GABRG3: variants seen among roughly 807,000 people sequenced by gnomAD.
GABRG3 encodes gamma-aminobutyric acid type A receptor subunit gamma3.
Under a neutral mutation model 48.8 loss-of-function variants are expected in GABRG3, and 25 were observed. The observed-to-expected ratio is 0.51, with a 90% confidence interval of 0.37 to 0.72. The LOEUF (loss-of-function observed/expected upper bound fraction) is 0.72, where lower values mean the gene tolerates loss of function less well. Among genes scored for constraint, GABRG3 ranks in the 30% least tolerant of loss-of-function variants. GABRG3 has a pLI of 0.00. For synonymous variants in GABRG3, 227 were observed against 217.6 expected (o/e 1.04, Z -0.38); for missense variants, 394 against 577.9 (o/e 0.68, Z 3.26).
rs1891464670 is a variant in GABRG3 at position 27,532,942 on chromosome 15, A to G, written c.*61A>G. The G allele has an allele frequency of 5.9e-6, 9 of 1,531,954 alleles. No homozygotes were observed. 94.9% of individuals were successfully genotyped at this position (1,531,954 alleles called of 1,614,324 possible). A position where few individuals can be genotyped will look rare whatever the true frequency, so the allele number is the denominator to read the frequency against. The stretch of plus-strand genomic sequence containing the variant: ...ACACACTTGACCTTCTGTCGTCCCC[A>G]GACCAGTAGTGACCAATCGGGAGTA... On this transcript the variant is annotated 3_prime_UTR_variant, in exon 10 of 10. Coordinates refer to ENST00000615808, the MANE Select transcript of GABRG3 (RefSeq NM_033223.5).
chr15:27,339,048 T>C (rs1253493159), intron 5 of GABRG3, among the ~76,000 whole-genome samples: 2 of 152,174 alleles, frequency 1.3e-5, no homozygotes, highest in African/African-American at 2.4e-5. Context: ...CCCATGTCTT[T>C]TGCTGTGGCA....
intron 5 of GABRG3, among the ~76,000 whole-genome samples, chr15:27,395,415 G>C (rs1454527695): frequency 6.6e-6 from 1 of 152,206 alleles, no homozygotes; most frequent in Non-Finnish European, 1.5e-5. Flanking sequence ...GAAAGGCAGA[G>C]AGACTATAAT....
chr15:27,134,288 G>C (rs1897969443), intron 3 of GABRG3, among the ~76,000 whole-genome samples: 1 of 152,130 alleles, frequency 6.6e-6, no homozygotes, highest in Non-Finnish European at 1.5e-5. Context: ...CTAAACACAG[G>C]ATTTGTGCAA....
At chr15:27,248,271 A>G (rs1890328133) in intron 3 of GABRG3, among the ~76,000 whole-genome samples, 1 of 152,136 alleles carries the variant, frequency 6.6e-6, no homozygotes, top group Non-Finnish European at 1.5e-5. Context: ...GCGCCCTCCT[A>G]GGAGCAGGTG....
chr15:27,040,293 G>T (rs1056574706), intron 3 of GABRG3, among the ~76,000 whole-genome samples: 2 of 152,210 alleles, frequency 1.3e-5, no homozygotes, highest in Non-Finnish European at 2.9e-5. Flanking sequence ...TGCAGCCAGG[G>T]TACAGAGCAG....
chr15:27,266,568 T>TA (rs1169309040), intron 3 of GABRG3, among the ~76,000 whole-genome samples: 19 of 152,326 alleles, frequency 1.2e-4, no homozygotes, highest in African/African-American at 3.8e-4. Context: ...TGTCAATTTC[T>TA]AAAAAATGTC....
chr15:27,105,400 A>G (rs1296260901), intron 3 of GABRG3, among the ~76,000 whole-genome samples: 1 of 152,186 alleles, frequency 6.6e-6, no homozygotes, highest in African/African-American at 2.4e-5. Context: ...CAATCAACCA[A>G]CAAGATCTAG....
At chr15:27,120,665 A>G (rs1897715914) in intron 3 of GABRG3, among the ~76,000 whole-genome samples, 1 of 152,100 alleles carries the variant, frequency 6.6e-6, no homozygotes, top group Admixed American at 6.6e-5. Flanking sequence ...CCTAGTAAGC[A>G]GGCTGCTGGC....
intron 2 of GABRG3, among the ~76,000 whole-genome samples, chr15:27,012,719 A>T (rs748216072): frequency 6.6e-6 from 1 of 152,286 alleles, no homozygotes; most frequent in East Asian, 1.9e-4. Context: ...ACTCATAACT[A>T]TAAAAAACAG....
chr15:27,440,547 T>G (rs1206900148), intron 5 of GABRG3, among the ~76,000 whole-genome samples: 1 of 152,204 alleles, frequency 6.6e-6, no homozygotes, highest in Non-Finnish European at 1.5e-5. Context: ...TGGCTAAACA[T>G]TCATAGGCCT....
chr15:27,408,816 T>G (rs1887713973), intron 5 of GABRG3, among the ~76,000 whole-genome samples: 1 of 152,224 alleles, frequency 6.6e-6, no homozygotes, highest in South Asian at 2.1e-4. Context: ...CTGGACCCAT[T>G]GCCTTCTTTT....
At chr15:27,431,421 T>C (rs1041145007) in intron 5 of GABRG3, among the ~76,000 whole-genome samples, 1 of 152,216 alleles carries the variant, frequency 6.6e-6, no homozygotes, top group African/African-American at 2.4e-5. Context: ...AATCGTTTTT[T>C]TGTGGATTCA....
intron 6 of GABRG3, among the ~76,000 whole-genome samples, chr15:27,515,383 G>T (rs559024657): frequency 6.6e-6 from 1 of 152,004 alleles, no homozygotes; most frequent in Non-Finnish European, 1.5e-5. Flanking sequence ...TTGAGCCACC[G>T]CGACCGGCTG....
intron 3 of GABRG3, among the ~76,000 whole-genome samples, chr15:27,259,065 A>G (rs1455362346): frequency 6.6e-6 from 1 of 152,172 alleles, no homozygotes; most frequent in Non-Finnish European, 1.5e-5. Flanking sequence ...GTTGCTGCAA[A>G]TGATAGGGTT....
At chr15:27,404,443 G>A (rs1887572551) in intron 5 of GABRG3, among the ~76,000 whole-genome samples, 1 of 152,124 alleles carries the variant, frequency 6.6e-6, no homozygotes, top group African/African-American at 2.4e-5. Flanking sequence ...CTGGCTCTTT[G>A]CTCTCTGACC....
At chr15:27,195,358 T>C (rs1469120858) in intron 3 of GABRG3, among the ~76,000 whole-genome samples, 2 of 152,168 alleles carry the variant, frequency 1.3e-5, no homozygotes, top group East Asian at 3.9e-4. Context: ...TCTGTCCATC[T>C]GTCTCACTCT....
At position 27,182,851 on chromosome 15, in the gene GABRG3, G is replaced by T. The variant is rs559096658; in HGVS notation, c.271-143958G>T. On this transcript the variant is annotated intron_variant, in intron 3 of 9. Coordinates refer to ENST00000615808, the MANE Select transcript of GABRG3 (RefSeq NM_033223.5). ...GTCCATTTGGCCGAGATGAGCTGCTGCTGGTGCAGGCCGCTAATGGGAAAC... is the reference window on the plus strand; with the variant it reads ...GTCCATTTGGCCGAGATGAGCTGCTTCTGGTGCAGGCCGCTAATGGGAAAC... Among the ~76,000 whole-genome samples the T allele has an allele frequency of 3.7e-4, 57 of 152,298 alleles. 1 individual carries two copies. Among genetic ancestry groups the T allele is most frequent in the African/African-American group, 1.3e-3 (53 of 41,574 alleles).
At chr15:27,411,590 G>A (rs1488138501) in intron 5 of GABRG3, among the ~76,000 whole-genome samples, 1 of 152,136 alleles carries the variant, frequency 6.6e-6, no homozygotes, top group South Asian at 2.1e-4. Flanking sequence ...TTTAACTTTT[G>A]TTGCTACTGT....
intron 5 of GABRG3, among the ~76,000 whole-genome samples, chr15:27,361,941 A>G (rs1034275854): frequency 6.6e-5 from 10 of 152,036 alleles, no homozygotes; most frequent in Admixed American, 3.9e-4. Flanking sequence ...AGATAATCTG[A>G]TAAACCTCCT....
Sources: gnomAD v4.1 joint callset for allele counts (sites outside exome capture counted in the v4.1 genomes callset) on GRCh38, gnomAD v4.1.1 for gene constraint, MANE v1.5 for transcripts, NCBI Gene and HGNC (gene_info 2026-07-23, HGNC 2026-07-21) for gene names.